The following RIOK1 variants were observed in gnomAD, a reference collection of about 807,000 sequenced individuals.
RIOK1 encodes RIO kinase 1.
Under a neutral mutation model 73.5 loss-of-function variants are expected in RIOK1, and 66 were observed. The observed-to-expected ratio is 0.90, with a 90% CI of 0.74 to 1.10. The LOEUF is 1.10. Among genes scored for constraint, RIOK1 ranks in the 50% least tolerant of loss-of-function variants. The pLI is 0.00. For synonymous variants in RIOK1, 224 were observed against 226.8 expected, an observed-to-expected ratio of 0.99 and a Z score of 0.11; for missense variants, 658 against 699.8, an observed-to-expected ratio of 0.94 and a Z score of 0.67.
intron 6 of RIOK1, 117 bp from the exon 7 acceptor site, chr6:7,402,486 G>T: frequency 1.5e-6 from 1 of 648,902 alleles, no homozygotes; most frequent in Non-Finnish European, 2.6e-6. Context: ...AAAAGACAGT[G>T]GTATTCCTTA....
At chr6:7,411,233 G>T (rs1380407458) in intron 13 of RIOK1, 99 bp from the exon 14 acceptor site, 21 of 1,301,104 alleles carry the variant, frequency 1.6e-5, no homozygotes, top group Non-Finnish European at 2.3e-5. Flanking sequence ...AGGGATGAAT[G>T]AATATATAGA....
intron 2 of RIOK1, among the ~76,000 whole-genome samples, chr6:7,394,254 C>T (rs1266210241): frequency 3.3e-5 from 5 of 152,022 alleles, no homozygotes; most frequent in Non-Finnish European, 5.9e-5. Context: ...GCCAACATGG[C>T]GAAACCCTGT....
intron 3 of RIOK1, among the ~76,000 whole-genome samples, chr6:7,396,211 C>T (rs1761469708): frequency 6.6e-6 from 1 of 152,104 alleles, no homozygotes; most frequent in Admixed American, 6.5e-5. Context: ...GGAAGGAAGG[C>T]CATCTTTCTA....
At chr6:7,404,635 G>C in intron 10 of RIOK1, 80 bp downstream of exon 10, 1 of 1,512,388 alleles carries the variant, frequency 6.6e-7, no homozygotes, top group African/African-American at 1.4e-5. Flanking sequence ...CCCAATCCAA[G>C]AAGTCACACT....
intron 15 of RIOK1, among the ~76,000 whole-genome samples, chr6:7,413,684 G>GTGT (rs1322588284): frequency 6.6e-6 from 1 of 152,160 alleles, no homozygotes; most frequent in African/African-American, 2.4e-5. Context: ...AAATCTTGTT[G>GTGT]TACAATTGAC....
Position 7,398,744 on chromosome 6 carries a change from C to A in RIOK1, c.480+4C>A. 6.2e-7 allele frequency: 1 copy of A among 1,607,978 alleles called. No homozygotes were observed. Among genetic ancestry groups the A allele is most frequent in the African/African-American group, 1.3e-5 (1 of 74,882 alleles). The stretch of plus-strand genomic sequence containing the variant: ...AGACAGAGCAACTGTAGAACAGGTA[C>A]AATTTAAATGTGTTGCAAACTCTTC... On this transcript the variant is annotated splice_donor_region_variant and intron_variant, in intron 5 of 16. Coordinates refer to ENST00000379834, the MANE Select transcript of RIOK1 (RefSeq NM_031480.3).
intron 12 of RIOK1, among the ~76,000 whole-genome samples, chr6:7,409,830 A>AT (rs1761844496): frequency 1.4e-5 from 2 of 147,656 alleles, no homozygotes; most frequent in South Asian, 4.3e-4. Context: ...TGCTCCCACT[A>AT]TTTTTTCCTT....
At chr6:7,406,522 C>T (rs1048285453) in intron 12 of RIOK1, among the ~76,000 whole-genome samples, 2 of 152,160 alleles carry the variant, frequency 1.3e-5, no homozygotes, top group Non-Finnish European at 1.5e-5. Flanking sequence ...CACCATTCTA[C>T]TTTCTGTCTT....
At position 7,400,998 on chromosome 6, in the gene RIOK1, T is replaced by C. The variant is rs368449018; in HGVS notation, c.521T>C (p.Leu174Ser). The C allele has an allele frequency of 1.9e-5, 30 of 1,611,898 alleles. No individual in the cohort carries two copies. The highest frequency in any genetic ancestry group is 2.3e-5 in the Non-Finnish European group (27 of 1,178,694). Residue 174 changes from leucine (L) to serine (S), a missense_variant, in exon 6 of 17, where the codon TTG becomes TCG. By Grantham distance (145) the Leu-to-Ser change is moderately radical. Transcript: ENST00000379834. Reference sequence around the variant, plus strand: ...ACAAGAATGATTTTATTCAAGATGTTGACTAGAGGAATCATAACAGAGATA... The same window carrying C: ...ACAAGAATGATTTTATTCAAGATGTCGACTAGAGGAATCATAACAGAGATA... Reference protein sequence around the residue: ...PRTRMILFKMLTRGIITEING... With the variant: ...PRTRMILFKMSTRGIITEING...
chr6:7,412,738 TC>T (rs1761916922), intron 14 of RIOK1, 150 bp from the exon 15 acceptor site: 2 of 400,596 alleles, frequency 5.0e-6, no homozygotes, highest in South Asian at 9.3e-5. Flanking sequence ...ATTATAAACT[TC>T]CTGTGTTACA....
At chr6:7,394,616 T>G (rs949401945) in intron 2 of RIOK1, among the ~76,000 whole-genome samples, 2 of 152,224 alleles carry the variant, frequency 1.3e-5, no homozygotes, top group African/African-American at 4.8e-5. Flanking sequence ...AGCACCAGCG[T>G]AAGTGCTGAG....
chr6:7,405,173 T>C (rs1761714267), intron 11 of RIOK1, 76 bp from the exon 12 acceptor site: 1 of 1,087,792 alleles, frequency 9.2e-7, no homozygotes, highest in Non-Finnish European at 1.4e-6. Context: ...TTTATCTCCT[T>C]GTTTCTCTAT....
At chr6:7,406,055 T>C (rs2113519029) in intron 12 of RIOK1, among the ~76,000 whole-genome samples, 1 of 152,058 alleles carries the variant, frequency 6.6e-6, no homozygotes, top group Non-Finnish European at 1.5e-5. Context: ...TGGAACATAG[T>C]GGCGCACTCT....
At chr6:7,399,353 C>G (rs1041775424) in intron 5 of RIOK1, among the ~76,000 whole-genome samples, 5 of 152,138 alleles carry the variant, frequency 3.3e-5, no homozygotes, top group African/African-American at 7.2e-5. Flanking sequence ...AGCACATGTT[C>G]TGAATTCCAC....
At position 7,406,239 on chromosome 6, in the gene RIOK1, C is replaced by T. The variant is rs539621271; in HGVS notation, c.1203+884C>T. Among the ~76,000 whole-genome samples, 31 of 152,262 alleles carry T rather than the reference C, an allele frequency of 2.0e-4. No individual in the cohort carries two copies. The Middle Eastern group carries it at 0.01, about 50-fold the overall frequency. On this transcript the variant is annotated intron_variant, in intron 12 of 16. Transcript: ENST00000379834. ...CTTGAAATCTTGGCCTCAGGTGACC[C>T]ACCTGCCTCAGCCTCCCAAAGTGCT...
intron 2 of RIOK1, among the ~76,000 whole-genome samples, chr6:7,394,852 T>C (rs1268821685): frequency 1.3e-5 from 2 of 152,228 alleles, no homozygotes; most frequent in African/African-American, 4.8e-5. Context: ...ATGCAGACTC[T>C]TTTAGTCAGT....
At position 7,411,236 on chromosome 6, in the gene RIOK1, T is replaced by A. The variant is rs1283781475; in HGVS notation, c.1270-96T>A. 2.3e-6 allele frequency: 3 copies of A among 1,324,500 alleles called. No homozygotes were observed. In the African/African-American group the frequency reaches 4.4e-5, roughly 19 times the overall value. The allele number at this position is 1,324,500 out of a possible 1,614,324, so 82.0% of individuals were successfully genotyped here. A position where few individuals can be genotyped will look rare whatever the true frequency, so the allele number is the denominator to read the frequency against. Reference sequence around the variant, plus strand: ...AGCATCAGTGTTAGGGATGAATGAATATATAGATTCCCCTGTAACCTGATG... The same window carrying A: ...AGCATCAGTGTTAGGGATGAATGAAAATATAGATTCCCCTGTAACCTGATG... On this transcript the variant is annotated intron_variant, in intron 13 of 16. Coordinates refer to ENST00000379834, the MANE Select transcript of RIOK1 (RefSeq NM_031480.3).
intron 13 of RIOK1, among the ~76,000 whole-genome samples, chr6:7,410,717 G>A (rs1035228603): frequency 1.3e-5 from 2 of 152,182 alleles, no homozygotes; most frequent in African/African-American, 2.4e-5. Context: ...GGATATAGGC[G>A]TCAAGAAGGA....
chr6:7,390,053 C>T lies in RIOK1; in HGVS notation c.51C>T (p.Asp17=). ...GCCGGGTGGTCCCCGGGCAATTCGACGACGCGGACTCCTCTGACAGGTAGG... is the reference window on the plus strand; with the variant it reads ...GCCGGGTGGTCCCCGGGCAATTCGATGACGCGGACTCCTCTGACAGGTAGG... The part of the protein sequence containing the change: ...LMSRVVPGQF[D]DADSSDSENR... Residue 17 remains aspartate, a synonymous_variant, in exon 1 of 17, where the codon GAC becomes GAT. Coordinates refer to ENST00000379834, the MANE Select transcript of RIOK1 (RefSeq NM_031480.3). 1.3e-6 allele frequency: 2 copies of T among 1,560,164 alleles called. No homozygotes were observed. Among genetic ancestry groups the T allele is most frequent in the East Asian group, 2.4e-5 (1 of 41,296 alleles).
Sources: gnomAD v4.1 joint callset for allele counts (sites outside exome capture counted in the v4.1 genomes callset) on GRCh38, gnomAD v4.1.1 for gene constraint, MANE v1.5 for transcripts, NCBI Gene and HGNC (gene_info 2026-07-23, HGNC 2026-07-21) for gene names.